The following NCAM2 variants were observed in gnomAD, a reference collection of about 807,000 sequenced individuals.
NCAM2 encodes the protein neural cell adhesion molecule 2.
A neutral mutation model predicts 98.1 loss-of-function variants in NCAM2; 30 were observed. That is an observed-to-expected ratio of 0.31 (90% confidence interval 0.23 to 0.41). The LOEUF is 0.41. Among genes scored for constraint, NCAM2 ranks in the 10% least tolerant of loss-of-function variants. The pLI is 1.00. For missense variants in NCAM2, 867 were observed against 1,005.8 expected, an observed-to-expected ratio of 0.86 and a Z score of 1.87; for synonymous variants, 368 against 342.4, an observed-to-expected ratio of 1.07 and a Z score of -0.83.
intron 1 of NCAM2, among the ~76,000 whole-genome samples, chr21:21,077,583 C>A (rs542306445): frequency 7.8e-4 from 118 of 152,072 alleles, no homozygotes; most frequent in Non-Finnish European, 1.3e-3. Context: ...TTCATGTTAG[C>A]AATGCAAATT....
chr21:21,335,413 A>G, intron 6 of NCAM2, 92 bp from the exon 7 acceptor site: 2 of 995,764 alleles, frequency 2.0e-6, no homozygotes, highest in Non-Finnish European at 2.9e-6. Context: ...ATAGCCATAT[A>G]GTCATCAATG....
intron 9 of NCAM2, among the ~76,000 whole-genome samples, chr21:21,384,569 A>G (rs2076225239): frequency 6.6e-6 from 1 of 151,982 alleles, no homozygotes; most frequent in Non-Finnish European, 1.5e-5. Flanking sequence ...ACATATAAGA[A>G]TAAATTTTTA....
intron 9 of NCAM2, among the ~76,000 whole-genome samples, chr21:21,396,610 C>T (rs765564797): frequency 7.2e-5 from 11 of 152,146 alleles, no homozygotes; most frequent in African/African-American, 2.7e-4. Context: ...TATCAGTGGG[C>T]GAGTGCAGGG....
chr21:21,292,855 A>G (rs1209064143), intron 5 of NCAM2, among the ~76,000 whole-genome samples: 1 of 151,898 alleles, frequency 6.6e-6, no homozygotes, highest in African/African-American at 2.4e-5. Context: ...TAATTTATAA[A>G]GAAAGGAGAT....
In NCAM2 at chr21:21,179,510, T is replaced by A. The variant is rs1037702396; in HGVS notation, c.56-101068T>A. On this transcript the variant is annotated intron_variant, in intron 1 of 17. Coordinates refer to ENST00000400546, the MANE Select transcript of NCAM2 (RefSeq NM_004540.5). ...ATTCCAGTCAATTCTAAAGTGACAT[T>A]CTCCCCACATGCTATTGGTGTTAAC... Among the ~76,000 whole-genome samples, 20 of 152,330 alleles carry A rather than the reference T, an allele frequency of 1.3e-4. No homozygotes were observed. The East Asian group carries it at 3.7e-3, about 28-fold the overall frequency.
intron 5 of NCAM2, among the ~76,000 whole-genome samples, chr21:21,311,334 C>CTTTTTTTTTTTTTTTTTTTT (rs1568919300): frequency 8.6e-6 from 1 of 115,882 alleles, no homozygotes; most frequent in African/African-American, 3.2e-5. Flanking sequence ...AAATATGGGG[C>CTTTTTTTTTTTTTTTTTTTT]ATTTTTTTTT....
At chr21:21,425,580 T>A (rs1206278697) in intron 11 of NCAM2, among the ~76,000 whole-genome samples, 1 of 151,722 alleles carries the variant, frequency 6.6e-6, no homozygotes, top group Non-Finnish European at 1.5e-5. Context: ...ATATTAGAGG[T>A]AAAAATGGGA....
At chr21:21,196,310 A>C (rs2146992623) in intron 1 of NCAM2, among the ~76,000 whole-genome samples, 1 of 152,290 alleles carries the variant, frequency 6.6e-6, no homozygotes, top group Non-Finnish European at 1.5e-5. Context: ...GGCTGGGCAA[A>C]AAGGACTGAC....
intron 7 of NCAM2, 140 bp from the exon 8 acceptor site, chr21:21,338,249 G>T: frequency 1.3e-6 from 1 of 750,784 alleles, no homozygotes; most frequent in Non-Finnish European, 2.0e-6. Flanking sequence ...ACGTCTGTAA[G>T]GCAAAGCAGG....
chr21:21,111,913 A>T (rs1010775501), intron 1 of NCAM2, among the ~76,000 whole-genome samples: 9 of 152,126 alleles, frequency 5.9e-5, no homozygotes, highest in Non-Finnish European at 1.2e-4. Context: ...TTAGATATAA[A>T]GTTTCATAGA....
At chr21:21,514,723 A>G (rs1414231254) in intron 16 of NCAM2, among the ~76,000 whole-genome samples, 1 of 152,164 alleles carries the variant, frequency 6.6e-6, no homozygotes, top group Admixed American at 6.6e-5. Context: ...TTTAGAAAAT[A>G]GCACTAGTAA....
intron 1 of NCAM2, among the ~76,000 whole-genome samples, chr21:21,068,138 T>C (rs1165260136): frequency 2.8e-5 from 4 of 141,348 alleles, no homozygotes; most frequent in Non-Finnish European, 4.6e-5. Context: ...TTTTTTTCTT[T>C]TTTTTTTTTT....
At chr21:21,252,139 A>T (rs922650747) in intron 1 of NCAM2, among the ~76,000 whole-genome samples, 1 of 152,032 alleles carries the variant, frequency 6.6e-6, no homozygotes, top group Non-Finnish European at 1.5e-5. Context: ...GCAAATCAAA[A>T]CCACAATGAG....
chr21:21,045,458 A>G (rs972590469), intron 1 of NCAM2, among the ~76,000 whole-genome samples: 10 of 152,156 alleles, frequency 6.6e-5, no homozygotes, highest in African/African-American at 2.4e-4. Context: ...AATCTGGGCA[A>G]CATAGTGAGA....
chr21:21,382,754 A>G (rs112409962), intron 9 of NCAM2, among the ~76,000 whole-genome samples: 4 of 149,238 alleles, frequency 2.7e-5, no homozygotes, highest in African/African-American at 9.9e-5. Flanking sequence ...CTGGTCTCAG[A>G]CTCCTGACCT....
At position 21,452,456 on chromosome 21, in the gene NCAM2, A is replaced by G. The variant is rs942315657; in HGVS notation, c.1655-14150A>G. 5.6e-5 allele frequency among the ~76,000 whole-genome samples: 8 copies of G among 141,714 alleles called. No individual in the cohort carries two copies. In the East Asian group the frequency reaches 1.6e-3, roughly 28 times the overall value. The allele number at this position is 141,714 out of a possible 152,430, so 93.0% of individuals were successfully genotyped here. A position where few individuals can be genotyped will look rare whatever the true frequency, so the allele number is the denominator to read the frequency against. ...ATGGAATTTACATTGTCGGGGGGGA[A>G]GATGTATTTATAGATGCATCAATAG... On this transcript the variant is annotated intron_variant, in intron 12 of 17. Coordinates refer to ENST00000400546, the MANE Select transcript of NCAM2 (RefSeq NM_004540.5).
chr21:21,424,194 A>G (rs2077168376), intron 11 of NCAM2, among the ~76,000 whole-genome samples: 1 of 152,214 alleles, frequency 6.6e-6, no homozygotes. Context: ...TGGTTTTCTC[A>G]TTCTCATATT....
At chr21:21,347,079 A>T (rs532437265) in intron 8 of NCAM2, among the ~76,000 whole-genome samples, 4 of 151,984 alleles carry the variant, frequency 2.6e-5, no homozygotes, top group Admixed American at 6.6e-5. Flanking sequence ...CAATGAAACA[A>T]TAAGTTGCTT....
chr21:21,452,553 A>C (rs1981303641), intron 12 of NCAM2, among the ~76,000 whole-genome samples: 1 of 114,924 alleles, frequency 8.7e-6, no homozygotes, highest in East Asian at 2.2e-4. Flanking sequence ...TATATAATAT[A>C]TACTATATAT....
Sources: allele counts gnomAD v4.1 joint callset (sites outside exome capture counted in the v4.1 genomes callset), GRCh38; gene constraint gnomAD v4.1.1; transcripts MANE v1.5; gene names NCBI Gene and HGNC (gene_info 2026-07-23, HGNC 2026-07-21).